Variants in PRUNE2 observed in about 807,000 individuals in gnomAD.
The protein encoded by PRUNE2 is prune homolog 2 with BCH domain, also known as protein prune homolog 2.
PRUNE2 carries 164 observed loss-of-function variants against 252.0 expected under a neutral mutation model. That is an observed-to-expected ratio of 0.65 (90% CI 0.57 to 0.74). The LOEUF (loss-of-function observed/expected upper bound fraction) is 0.74. Ranked by LOEUF, PRUNE2 falls within the 30% of genes least tolerant of loss-of-function variation. The pLI, the probability that PRUNE2 is intolerant of heterozygous loss-of-function variation, is 0.00. For synonymous variants in PRUNE2, 1,292 were observed against 1,350.2 expected, an observed-to-expected ratio of 0.96 and a Z score of 0.94; for missense variants, 3,495 against 3,711.0, an observed-to-expected ratio of 0.94 and a Z score of 1.51.
At chr9:76,684,323 G>A (rs1377069071) in intron 9 of PRUNE2, among the ~76,000 whole-genome samples, 2 of 152,090 alleles carry the variant, frequency 1.3e-5, no homozygotes, top group Non-Finnish European at 2.9e-5. Context: ...AAAGCTGCTT[G>A]AGTTTGCCTG....
chr9:76,808,202 C>T (rs571922843), intron 6 of PRUNE2, among the ~76,000 whole-genome samples: 2 of 152,082 alleles, frequency 1.3e-5, no homozygotes, highest in Non-Finnish European at 2.9e-5. Flanking sequence ...AACAAAAACA[C>T]CTTCCAGCTT....
At chr9:76,632,986 C>A (rs1838363827) in intron 15 of PRUNE2, among the ~76,000 whole-genome samples, 1 of 152,164 alleles carries the variant, frequency 6.6e-6, no homozygotes, top group Non-Finnish European at 1.5e-5. Context: ...CTTTGGGAGG[C>A]CGAGGCAGGC....
At chr9:76,762,707 C>CTACATACA (rs1378488045) in intron 6 of PRUNE2, among the ~76,000 whole-genome samples, 1 of 152,116 alleles carries the variant, frequency 6.6e-6, no homozygotes, top group African/African-American at 2.4e-5. Flanking sequence ...GCGGAGGTCC[C>CTACATACA]TACATACACG....
intron 17 of PRUNE2, among the ~76,000 whole-genome samples, chr9:76,622,141 T>G (rs1196828415): frequency 6.6e-6 from 1 of 152,192 alleles, no homozygotes; most frequent in Non-Finnish European, 1.5e-5. Flanking sequence ...CTGAATGTTA[T>G]GCAAATTCAT....
chr9:76,854,739 G>A (rs1159246947), intron 1 of PRUNE2, among the ~76,000 whole-genome samples: 2 of 151,974 alleles, frequency 1.3e-5, no homozygotes, highest in Admixed American at 6.6e-5. Context: ...ACTTTTGTCT[G>A]TCAGAAAATA....
chr9:76,636,973 A>ATG (rs71354667), intron 14 of PRUNE2, among the ~76,000 whole-genome samples: 1,905 of 145,448 alleles, frequency 0.013, 17 homozygotes, highest in East Asian at 0.03. Context: ...AACAACAAAA[A>ATG]TGTGTGTGTG....
At chr9:76,652,972 G>A (rs1847988553) in intron 10 of PRUNE2, among the ~76,000 whole-genome samples, 1 of 152,104 alleles carries the variant, frequency 6.6e-6, no homozygotes, top group South Asian at 2.1e-4. Flanking sequence ...TGCCAAGAGT[G>A]GGTTTGGGCC....
intron 16 of PRUNE2, among the ~76,000 whole-genome samples, chr9:76,628,851 C>CTTTT (rs10632629): frequency 1.4e-5 from 2 of 145,260 alleles, no homozygotes; most frequent in African/African-American, 2.5e-5. Flanking sequence ...CAAACACACA[C>CTTTT]TTTTTTTTTT....
Position 76,709,333 on chromosome 9 carries a change from C to T in PRUNE2, c.2941G>A (p.Asp981Asn). 6.2e-7 allele frequency: 1 copy of T among 1,613,988 alleles called. No homozygotes were observed. Among genetic ancestry groups the T allele is most frequent in the Non-Finnish European group, 8.5e-7 (1 of 1,179,876 alleles). ...DSYTSPTFAG[D>N]EKETEHKPFA... ...GGCTTGTGTTCAGTTTCCTTTTCGT[C>T]TCCAGCAAATGTTGGTGATGTGTAA... Residue 981 changes from aspartate to asparagine, a missense_variant, in exon 8 of 19, where the codon GAC becomes AAC. Asp to Asn is a conservative substitution (Grantham distance 23, BLOSUM62 1). Coordinates refer to ENST00000376718, the MANE Select transcript of PRUNE2 (RefSeq NM_015225.3).
At chr9:76,734,034 A>G (rs1010584256) in intron 6 of PRUNE2, among the ~76,000 whole-genome samples, 1 of 151,944 alleles carries the variant, frequency 6.6e-6, no homozygotes, top group African/African-American at 2.4e-5. Context: ...CCTTCTATGT[A>G]GGGGATTCAG....
At chr9:76,806,165 C>G (rs1230412505) in intron 6 of PRUNE2, among the ~76,000 whole-genome samples, 1 of 152,138 alleles carries the variant, frequency 6.6e-6, no homozygotes, top group African/African-American at 2.4e-5. Context: ...AATTCTCAGG[C>G]CCCAACCCAG....
rs1371846430 is a variant in PRUNE2 at position 76,704,847 on chromosome 9, T to C, written c.7427A>G (p.Asn2476Ser). ...SVYLPVGAGS[N>S]ILSPSNVDWE... The stretch of plus-strand genomic sequence containing the variant: ...GTCAACGTTTGATGGAGACAAAATG[T>C]TGGAGCCTGCTCCTACCGGCAAATA... Residue 2476 changes from asparagine (N) to serine (S), a missense_variant, in exon 8 of 19, where the codon AAC becomes AGC. Asn to Ser is a conservative substitution (Grantham distance 46). Coordinates refer to ENST00000376718, the MANE Select transcript of PRUNE2 (RefSeq NM_015225.3). 1 of 1,598,024 alleles carries C rather than the reference T, an allele frequency of 6.3e-7. No individual in the cohort carries two copies. Among genetic ancestry groups the C allele is most frequent in the South Asian group, 1.1e-5 (1 of 88,620 alleles).
At chr9:76,645,130 ATTAACT>A (rs1280201531) in intron 11 of PRUNE2, 200 of 461,848 alleles carry the variant, frequency 4.3e-4, no homozygotes, top group Non-Finnish European at 6.7e-4. Context: ...GTCTTCTTTT[ATTAACT>A]GAACAACCAC....
chr9:76,763,490 G>A (rs1172263384), intron 6 of PRUNE2, among the ~76,000 whole-genome samples: 4 of 152,120 alleles, frequency 2.6e-5, no homozygotes, highest in South Asian at 2.1e-4. Context: ...AAACATACTC[G>A]TAATACCACT....
intron 6 of PRUNE2, among the ~76,000 whole-genome samples, chr9:76,773,950 C>A (rs1030783415): frequency 4.6e-5 from 7 of 151,980 alleles, no homozygotes; most frequent in African/African-American, 1.7e-4. Flanking sequence ...AGAGAAGGAG[C>A]AAGTGAAAAC....
At chr9:76,646,999 G>T (rs1845165819) in intron 11 of PRUNE2, among the ~76,000 whole-genome samples, 1 of 152,044 alleles carries the variant, frequency 6.6e-6, no homozygotes, top group South Asian at 2.1e-4. Flanking sequence ...ACCAGTCCTG[G>T]GCAACATGGC....
intron 9 of PRUNE2, among the ~76,000 whole-genome samples, chr9:76,681,954 T>C (rs771179565): frequency 3.9e-5 from 6 of 152,202 alleles, no homozygotes; most frequent in Non-Finnish European, 7.3e-5. Context: ...TAGTTTATTT[T>C]TAAGATAAGC....
At position 76,808,156 on chromosome 9, in the gene PRUNE2, C is replaced by A. The variant is rs1308769349; in HGVS notation, c.756+15476G>T. 2.1e-5 allele frequency among the ~76,000 whole-genome samples: 3 copies of A among 142,638 alleles called. No homozygotes were observed. In the East Asian group the frequency reaches 6.2e-4, roughly 29 times the overall value. The allele number at this position is 142,638 out of a possible 152,430, so 93.6% of individuals were successfully genotyped here. A position where few individuals can be genotyped will look rare whatever the true frequency, so the allele number is the denominator to read the frequency against. Reference sequence around the variant, plus strand: ...TCATGCCACTGCACTCCAGCCTGGGCAACAGAGTAAGCGAAACTCTGTGTC... The same window carrying A: ...TCATGCCACTGCACTCCAGCCTGGGAAACAGAGTAAGCGAAACTCTGTGTC... On this transcript the variant is annotated intron_variant, in intron 6 of 18. Transcript: ENST00000376718.
At chr9:76,897,975 G>A (rs528336200) in intron 1 of PRUNE2, among the ~76,000 whole-genome samples, 2 of 152,226 alleles carry the variant, frequency 1.3e-5, no homozygotes, top group East Asian at 1.9e-4. Flanking sequence ...TGGAGATCAC[G>A]TCCTCGTCTC....
Sources: gnomAD v4.1 joint callset for allele counts (sites outside exome capture counted in the v4.1 genomes callset) on GRCh38, gnomAD v4.1.1 for gene constraint, MANE v1.5 for transcripts, NCBI Gene and HGNC (gene_info 2026-07-23, HGNC 2026-07-21) for gene names.